The following CLCN2 variants were observed in gnomAD, a reference collection of about 807,000 sequenced individuals.
CLCN2 encodes the protein chloride channel protein 2.
A neutral mutation model predicts 108.3 loss-of-function variants in CLCN2; 72 were observed. The ratio of observed to expected loss-of-function variants is 0.66; its 90% CI spans 0.55 to 0.81. The LOEUF is 0.81. CLCN2 is among the 30% of genes least tolerant of loss of function. The pLI is 0.00. For missense variants in CLCN2, 1,048 were observed against 1,205.2 expected (o/e 0.87, Z 1.93); for synonymous variants, 471 against 467.1 (o/e 1.01, Z -0.11).
Position 184,359,092 on chromosome 3 carries a change from T to C in CLCN2, c.103A>G (p.Lys35Glu). The C allele has an allele frequency of 3.7e-6, 6 of 1,613,714 alleles. No individual in the cohort carries two copies. The highest frequency in any genetic ancestry group is 5.1e-6 in the Non-Finnish European group (6 of 1,180,018). ...AGGCGAATCCGAGCAGCTTCCTCTT[T>C]GGCAAAGGCCCCAAGGTCCTGAGTG... ...RYTQDLGAFA[K>E]EEAARIRLGG... The change falls in exon 2 of 24, where the codon AAA becomes GAA. Residue 35 changes from lysine (K) to glutamate (E), a missense_variant. Coordinates refer to ENST00000265593, the MANE Select transcript of CLCN2 (RefSeq NM_004366.6).
At position 184,352,130 on chromosome 3, in the gene CLCN2, G is replaced by C; in HGVS notation, c.2311-13C>G. 1.2e-6 allele frequency: 2 copies of C among 1,609,862 alleles called. No homozygotes were observed. The highest frequency in any genetic ancestry group is 1.7e-6 in the Non-Finnish European group (2 of 1,176,184). On this transcript the variant is annotated splice_polypyrimidine_tract_variant and intron_variant, in intron 21 of 23. Transcript: ENST00000265593. ...CCCACTCCAGAATCTGAGGGGAAGA[G>C]ACTATGAGGTTTAGGGAGAAGGTGC... is the stretch of plus-strand genomic sequence containing the variant.
chr3:184,353,550 T>G (rs921015826), intron 16 of CLCN2, 112 bp downstream of exon 16: 2 of 1,558,328 alleles, frequency 1.3e-6, no homozygotes, highest in Non-Finnish European at 1.7e-6. Flanking sequence ...ACCTGGCAAG[T>G]GCTGGTCCAT....
chr3:184,356,617 C>T (rs1273393038), intron 10 of CLCN2: 8 of 212,614 alleles, frequency 3.8e-5, no homozygotes, highest in African/African-American at 5.4e-5. Flanking sequence ...CCAGCCTGGA[C>T]AACAAGAGTG....
rs1560261224 is a variant in CLCN2 at position 184,355,349 on chromosome 3, A to C, written c.1326+25T>G. 1 of 1,613,148 alleles carries C rather than the reference A, an allele frequency of 6.2e-7. No individual in the cohort carries two copies. Among genetic ancestry groups the C allele is most frequent in the South Asian group, 1.1e-5 (1 of 91,044 alleles). ...TAGAAGGGCAAGCTATGTAAAGGTT[A>C]GCAGTGTACACGTGAGGAGCCCACC... On this transcript the variant is annotated intron_variant, in intron 12 of 23. Coordinates refer to ENST00000265593, the MANE Select transcript of CLCN2 (RefSeq NM_004366.6). The surrounding 1 kb of genome is among the most constrained non-coding windows in gnomAD (Gnocchi z 6.3).
At chr3:184,357,599 T>C in intron 7 of CLCN2, 21 bp downstream of exon 7, 1 of 1,613,992 alleles carries the variant, frequency 6.2e-7, no homozygotes, top group Non-Finnish European at 8.5e-7. Flanking sequence ...GGGGCTGGAC[T>C]GACCTAGGAG....
In CLCN2 at chr3:184,355,345, G is replaced by A. The variant is rs769385086; in HGVS notation, c.1326+29C>T. 6.2e-7 allele frequency: 1 copy of A among 1,612,980 alleles called. No individual in the cohort carries two copies. Among genetic ancestry groups the A allele is most frequent in the Non-Finnish European group, 8.5e-7 (1 of 1,179,496 alleles). On this transcript the variant is annotated intron_variant, in intron 12 of 23. Coordinates refer to ENST00000265593, the MANE Select transcript of CLCN2 (RefSeq NM_004366.6). This position sits in a 1 kb window ranked among gnomAD's most constrained non-coding sequence, Gnocchi z 6.3. ...TGCTTAGAAGGGCAAGCTATGTAAAGGTTAGCAGTGTACACGTGAGGAGCC... is the reference window on the plus strand; with the variant it reads ...TGCTTAGAAGGGCAAGCTATGTAAAAGTTAGCAGTGTACACGTGAGGAGCC...
At position 184,346,307 on chromosome 3, in the gene CLCN2, A is replaced by G; in HGVS notation, c.*299T>C. The G allele has an allele frequency of 2.0e-6, 1 of 501,212 alleles. No individual in the cohort carries two copies. Among genetic ancestry groups the G allele is most frequent in the South Asian group, 2.1e-5 (1 of 47,038 alleles). 31.0% of individuals were successfully genotyped at this position (501,212 alleles called of 1,614,324 possible). A position where few individuals can be genotyped will look rare whatever the true frequency, so the allele number is the denominator to read the frequency against. On this transcript the variant is annotated 3_prime_UTR_variant, in exon 24 of 24. Coordinates refer to ENST00000265593, the MANE Select transcript of CLCN2 (RefSeq NM_004366.6). The surrounding 1 kb of genome is among the most constrained non-coding windows in gnomAD (Gnocchi z 6.0). ...TCTGGTCATTGGAGGTTCCAGTTAT[A>G]AACCCATCTTAGTTCCACCCCTTTC...
chr3:184,361,141 G>A lies in CLCN2; in HGVS notation c.63+276C>T, dbSNP rs1323377238. Among the ~76,000 whole-genome samples the A allele has an allele frequency of 1.3e-5, 2 of 152,178 alleles. No individual in the cohort carries two copies. Among genetic ancestry groups the A allele is most frequent in the Non-Finnish European group, 2.9e-5 (2 of 68,024 alleles). ...CTTGGGCCCAGGTGGTGAAGGGGAGGTGCAAAGAAAACGTGCATGTTGTGG... is the reference window on the plus strand; with the variant it reads ...CTTGGGCCCAGGTGGTGAAGGGGAGATGCAAAGAAAACGTGCATGTTGTGG... On this transcript the variant is annotated intron_variant, in intron 1 of 23. Transcript: ENST00000265593. The surrounding 1 kb of genome is among the most constrained non-coding windows in gnomAD (Gnocchi z 6.6).
chr3:184,347,136 G>T, intron 22 of CLCN2, 115 bp from the exon 23 acceptor site: 1 of 820,848 alleles, frequency 1.2e-6, no homozygotes, highest in Non-Finnish European at 2.2e-6. Context: ...CCCCAGATTG[G>T]GAGGGAAGGA....
chr3:184,355,151 A>G lies in CLCN2; in HGVS notation c.1327-178T>C. The G allele has an allele frequency of 1.3e-6, 1 of 779,808 alleles. No homozygotes were observed. Among genetic ancestry groups the G allele is most frequent in the South Asian group, 1.6e-5 (1 of 63,210 alleles). The allele number at this position is 779,808 out of a possible 1,614,324, so 48.3% of individuals were successfully genotyped here. A position where few individuals can be genotyped will look rare whatever the true frequency, so the allele number is the denominator to read the frequency against. ...CTCCCAGGTGATGGCAAGGGGAAGG[A>G]CTCTGGAAGCAGATGGCTTGGGTTC... On this transcript the variant is annotated intron_variant, in intron 12 of 23. Transcript: ENST00000265593. This position sits in a 1 kb window ranked among gnomAD's most constrained non-coding sequence, Gnocchi z 6.3.
At chr3:184,357,894 C>A in intron 5 of CLCN2, 38 bp from the exon 6 acceptor site, 5 of 1,613,432 alleles carry the variant, frequency 3.1e-6, no homozygotes, top group Non-Finnish European at 4.2e-6. Flanking sequence ...GGAGGGGGCC[C>A]GCCCTGACCT....
chr3:184,346,485 G>A lies in CLCN2; in HGVS notation c.*121C>T. On this transcript the variant is annotated 3_prime_UTR_variant, in exon 24 of 24. Transcript: ENST00000265593. This position sits in a 1 kb window ranked among gnomAD's most constrained non-coding sequence, Gnocchi z 6.0. ...GAAGCTGGCACCCCAGGTCTGGAGGGGGCTGGGGTGCAGCCTCCAGCTGTA... is the reference window on the plus strand; with the variant it reads ...GAAGCTGGCACCCCAGGTCTGGAGGAGGCTGGGGTGCAGCCTCCAGCTGTA... 2 of 1,170,442 alleles carry A rather than the reference G, an allele frequency of 1.7e-6. No individual in the cohort carries two copies. The highest frequency in any genetic ancestry group is 2.7e-4 in the Middle Eastern group (1 of 3,682). The allele number at this position is 1,170,442 out of a possible 1,614,324, so 72.5% of individuals were successfully genotyped here. A position where few individuals can be genotyped will look rare whatever the true frequency, so the allele number is the denominator to read the frequency against.
rs776492352 is a variant in CLCN2 at position 184,346,974 on chromosome 3, G to A, written c.2463C>T (p.Thr821=). The A allele has an allele frequency of 1.2e-6, 2 of 1,614,160 alleles. No homozygotes were observed. The highest frequency in any genetic ancestry group is 1.7e-6 in the Non-Finnish European group (2 of 1,180,002). Residue 821 remains threonine, a synonymous_variant, in exon 23 of 24, where the codon ACC becomes ACT. Transcript: ENST00000265593. This position sits in a 1 kb window ranked among gnomAD's most constrained non-coding sequence, Gnocchi z 6.0. ...CGATTCCAATGAGTCTGCCAATACT[G>A]GTGACATAAGCATGGTCCACTCCCA... ...SLLGVDHAYV[T]SIGRLIGIVT...
intron 22 of CLCN2, among the ~76,000 whole-genome samples, chr3:184,350,352 G>A (rs113822446): frequency 0.015 from 2,344 of 152,192 alleles, 25 homozygotes; most frequent in Non-Finnish European, 0.023. Context: ...CTCGCTGCAT[G>A]CCTCAGTTTC....
Position 184,355,315 on chromosome 3 carries a change from G to A in CLCN2, c.1326+59C>T. ...GGCTTCGAGGAGTGAGCACTGCGTG[G>A]CAGGTGCTTAGAAGGGCAAGCTATG... is the stretch of plus-strand genomic sequence containing the variant. On this transcript the variant is annotated intron_variant, in intron 12 of 23. Transcript: ENST00000265593. The surrounding 1 kb of genome is among the most constrained non-coding windows in gnomAD (Gnocchi z 6.3). The A allele has an allele frequency of 1.9e-6, 3 of 1,558,390 alleles. No homozygotes were observed. The highest frequency in any genetic ancestry group is 2.7e-6 in the Non-Finnish European group (3 of 1,130,256).
intron 22 of CLCN2, among the ~76,000 whole-genome samples, chr3:184,350,115 C>T (rs1240995204): frequency 1.3e-5 from 2 of 152,168 alleles, no homozygotes; most frequent in African/African-American, 4.8e-5. Context: ...TCAAAGACTT[C>T]TTCTCTTCTG....
chr3:184,346,730 C>T lies in CLCN2; in HGVS notation c.2573G>A (p.Arg858Gln), dbSNP rs1173638421. Residue 858 changes from arginine (R) to glutamine (Q), a missense_variant, in exon 24 of 24, where the codon CGA becomes CAA. Physicochemically the swap from Arg to Gln is conservative, Grantham distance 43. Transcript: ENST00000265593. This position sits in a 1 kb window ranked among gnomAD's most constrained non-coding sequence, Gnocchi z 6.0. ...VKVRPPLASF[R>Q]DSATSSSDTE... ...GTCACTGCTGCTGGTGGCACTGTCT[C>T]GGAAGCTGGCGAGGGGCGGCCGGAC... The T allele has an allele frequency of 1.9e-5, 31 of 1,614,078 alleles. No individual in the cohort carries two copies. Among genetic ancestry groups the T allele is most frequent in the Admixed American group, 1.3e-4 (8 of 60,010 alleles).
intron 15 of CLCN2, 132 bp from the exon 16 acceptor site, chr3:184,353,927 C>T: frequency 2.1e-6 from 3 of 1,450,964 alleles, no homozygotes; most frequent in Non-Finnish European, 2.8e-6. Context: ...AAGGGGTGCT[C>T]CCACCCTTCT....
At chr3:184,354,782 G>A (rs1337611985) in intron 13 of CLCN2, 122 bp downstream of exon 13, 1 of 1,332,642 alleles carries the variant, frequency 7.5e-7, no homozygotes, top group Non-Finnish European at 1.1e-6. Context: ...GCACAGCCCT[G>A]TGGGGTCAGG....
Sources: gnomAD v4.1 joint callset for allele counts (sites outside exome capture counted in the v4.1 genomes callset) on GRCh38, gnomAD v4.1.1 for gene constraint, Gnocchi (gnomAD v3.1) non-coding constraint, MANE v1.5 for transcripts, NCBI Gene and HGNC (gene_info 2026-07-23, HGNC 2026-07-21) for gene names.